Variants in FRRS1 observed in about 807,000 individuals in gnomAD.
FRRS1 encodes the protein ferric reductase 1.
A neutral mutation model predicts 70.7 loss-of-function variants in FRRS1; 51 were observed. The observed-to-expected ratio is 0.72, with a 90% CI of 0.58 to 0.91. The LOEUF (loss-of-function observed/expected upper bound fraction) is 0.91, where lower values mean the gene tolerates loss of function less well. FRRS1 is among the 40% of genes least tolerant of loss of function. The pLI is 0.00. For missense variants in FRRS1, 672 were observed against 726.0 expected, an observed-to-expected ratio of 0.93 and a Z score of 0.86; for synonymous variants, 225 against 238.7, an observed-to-expected ratio of 0.94 and a Z score of 0.53.
chr1:99,704,894 TCCC>T lies in FRRS1; in HGVS notation c.*4131_*4133del, dbSNP rs1223304237. On this transcript the variant is annotated 3_prime_UTR_variant, in exon 17 of 17. Transcript: ENST00000646001. ...AGGGGAAAACCATCTCCCTTCTGGCTCCCCCATCTGCTGAGAGCTACTTCTACT... is the reference window on the plus strand; with the variant it reads ...AGGGGAAAACCATCTCCCTTCTGGCTCCATCTGCTGAGAGCTACTTCTACT... 1.3e-5 allele frequency among the ~76,000 whole-genome samples: 2 copies of T among 152,110 alleles called. No homozygotes were observed. The highest frequency in any genetic ancestry group is 3.9e-4 in the East Asian group (2 of 5,148).
intron 7 of FRRS1, among the ~76,000 whole-genome samples, chr1:99,737,164 A>G (rs1655715041): frequency 6.6e-6 from 1 of 152,150 alleles, no homozygotes; most frequent in South Asian, 2.1e-4. Context: ...TCCCTAGGAA[A>G]GCGAGATGTT....
chr1:99,716,874 G>C (rs1472643119), intron 11 of FRRS1, among the ~76,000 whole-genome samples: 1 of 152,132 alleles, frequency 6.6e-6, no homozygotes, highest in Non-Finnish European at 1.5e-5. Flanking sequence ...CCCATCTCAA[G>C]GGAAGGAAGA....
At chr1:99,733,571 G>A (rs1438365110) in intron 7 of FRRS1, among the ~76,000 whole-genome samples, 1 of 152,162 alleles carries the variant, frequency 6.6e-6, no homozygotes, top group Non-Finnish European at 1.5e-5. Flanking sequence ...CCCATTGGCC[G>A]AATTGGCGTC....
Position 99,728,743 on chromosome 1 carries a change from G to A in FRRS1, c.859-103C>T, listed in dbSNP as rs142550002. ...TGTTCAGTTTCCTTTCTCTAAGATC[G>A]TATGTCCATGCTTTGTCTGCAGTGT... On this transcript the variant is annotated intron_variant, in intron 8 of 16. Coordinates refer to ENST00000646001, the MANE Select transcript of FRRS1 (RefSeq NM_001361041.2). 2.7e-4 allele frequency: 242 copies of A among 898,566 alleles called. 3 individuals carry two copies. The South Asian group carries it at 4.5e-3, about 17-fold the overall frequency. 55.7% of individuals were successfully genotyped at this position (898,566 alleles called of 1,614,324 possible). A position where few individuals can be genotyped will look rare whatever the true frequency, so the allele number is the denominator to read the frequency against.
intron 1 of FRRS1, among the ~76,000 whole-genome samples, chr1:99,750,813 G>T (rs1358229377): frequency 1.3e-5 from 2 of 151,944 alleles, no homozygotes; most frequent in Non-Finnish European, 2.9e-5. Flanking sequence ...TTATGACTGA[G>T]AATTTCCCCC....
rs1213510148 is a variant in FRRS1 at position 99,707,476 on chromosome 1, A to G, written c.*1552T>C. Among the ~76,000 whole-genome samples the G allele has an allele frequency of 2.0e-5, 3 of 152,214 alleles. No homozygotes were observed. Among genetic ancestry groups the G allele is most frequent in the Non-Finnish European group, 4.4e-5 (3 of 68,030 alleles). ...CTAAGATAGCTGCATTCATTATTAC[A>G]GGGTCAGGGGACTTGTAAAAACAAA... On this transcript the variant is annotated 3_prime_UTR_variant, in exon 17 of 17. Coordinates refer to ENST00000646001, the MANE Select transcript of FRRS1 (RefSeq NM_001361041.2).
At chr1:99,749,114 C>T (rs139403161) in intron 1 of FRRS1, 113 bp from the exon 2 acceptor site, 51 of 183,374 alleles carry the variant, frequency 2.8e-4, no homozygotes, top group Admixed American at 5.9e-4. Context: ...CGGCTCACTG[C>T]AACCTCCGCC....
At chr1:99,747,503 A>G in intron 3 of FRRS1, 73 bp from the exon 4 acceptor site, 1 of 1,390,768 alleles carries the variant, frequency 7.2e-7, no homozygotes, top group Non-Finnish European at 9.9e-7. Flanking sequence ...GTTGTACATT[A>G]CAATTACAAT....
intron 12 of FRRS1, among the ~76,000 whole-genome samples, chr1:99,714,718 A>G (rs1028312305): frequency 2.0e-5 from 3 of 152,174 alleles, no homozygotes; most frequent in African/African-American, 7.2e-5. Context: ...TGTGCAAGAG[A>G]GCACAGTTAA....
intron 4 of FRRS1, among the ~76,000 whole-genome samples, chr1:99,744,366 T>C (rs1373003026): frequency 6.6e-6 from 1 of 152,176 alleles, no homozygotes; most frequent in African/African-American, 2.4e-5. Flanking sequence ...GTTTGGCTTT[T>C]AAAATGTCAA....
intron 9 of FRRS1, among the ~76,000 whole-genome samples, chr1:99,728,284 G>A (rs947513387): frequency 9.9e-5 from 15 of 152,090 alleles, no homozygotes; most frequent in Non-Finnish European, 1.5e-5. Context: ...CTTGAGCCGT[G>A]TTGCCTTATA....
chr1:99,760,804 C>A (rs1301007062), intron 1 of FRRS1, among the ~76,000 whole-genome samples: 1 of 152,124 alleles, frequency 6.6e-6, no homozygotes, highest in Non-Finnish European at 1.5e-5. Flanking sequence ...CACCTGCCAC[C>A]ATGCCTGGCT....
intron 1 of FRRS1, among the ~76,000 whole-genome samples, chr1:99,756,340 G>T (rs1370165146): frequency 6.6e-6 from 1 of 152,160 alleles, no homozygotes; most frequent in Non-Finnish European, 1.5e-5. Flanking sequence ...AACCTGATGA[G>T]ATTTGTACAG....
At chr1:99,735,362 C>T (rs1209017213) in intron 7 of FRRS1, among the ~76,000 whole-genome samples, 1 of 151,976 alleles carries the variant, frequency 6.6e-6, no homozygotes, top group Non-Finnish European at 1.5e-5. Context: ...GTCTAACATA[C>T]CAAAATAATT....
chr1:99,736,206 A>G (rs1311045162), intron 7 of FRRS1, among the ~76,000 whole-genome samples: 1 of 152,224 alleles, frequency 6.6e-6, no homozygotes, highest in Non-Finnish European at 1.5e-5. Context: ...CACTAAGAAT[A>G]TCCAAAAGAA....
intron 1 of FRRS1, among the ~76,000 whole-genome samples, chr1:99,751,497 T>G (rs964457973): frequency 6.6e-6 from 1 of 152,138 alleles, no homozygotes; most frequent in Non-Finnish European, 1.5e-5. Flanking sequence ...AGTGTTTTTT[T>G]AAATCCTGAA....
rs925981216 is a variant in FRRS1 at position 99,742,291 on chromosome 1, A to G, written c.334-18T>C. ...GCTGATCCCTGAAATAAAAGGGAAA[A>G]GAGCTACCATTCAGTCACTCAATAG... On this transcript the variant is annotated intron_variant, in intron 4 of 16. Coordinates refer to ENST00000646001, the MANE Select transcript of FRRS1 (RefSeq NM_001361041.2). 8 of 1,487,688 alleles carry G rather than the reference A, an allele frequency of 5.4e-6. No homozygotes were observed. The highest frequency in any genetic ancestry group is 7.5e-6 in the Non-Finnish European group (8 of 1,065,468). 92.2% of individuals were successfully genotyped at this position (1,487,688 alleles called of 1,614,324 possible). A position where few individuals can be genotyped will look rare whatever the true frequency, so the allele number is the denominator to read the frequency against.
rs769624373 is a variant in FRRS1 at position 99,708,945 on chromosome 1, C to T, written c.*83G>A. On this transcript the variant is annotated 3_prime_UTR_variant, in exon 17 of 17. Coordinates refer to ENST00000646001, the MANE Select transcript of FRRS1 (RefSeq NM_001361041.2). ...CCAAGTGAGAATTCACAAATATGCTCCAGGCAGTCAGGACAGGCTTCAAGT... is the reference window on the plus strand; with the variant it reads ...CCAAGTGAGAATTCACAAATATGCTTCAGGCAGTCAGGACAGGCTTCAAGT... 8 of 1,613,870 alleles carry T rather than the reference C, an allele frequency of 5.0e-6. No individual in the cohort carries two copies. The East Asian group carries it at 1.8e-4, about 36-fold the overall frequency.
intron 1 of FRRS1, among the ~76,000 whole-genome samples, chr1:99,761,130 T>G (rs1238479725): frequency 1.3e-5 from 2 of 148,274 alleles, no homozygotes; most frequent in Non-Finnish European, 3.0e-5. Context: ...AATTTTGTTT[T>G]GGGGGGGTGG....
Sources: allele counts gnomAD v4.1 joint callset (sites outside exome capture counted in the v4.1 genomes callset), GRCh38; gene constraint gnomAD v4.1.1; transcripts MANE v1.5; gene names NCBI Gene and HGNC (gene_info 2026-07-23, HGNC 2026-07-21).